Variants in CNGB1 observed in about 807,000 individuals in gnomAD.
CNGB1 encodes the protein cyclic nucleotide-gated channel beta-1.
In CNGB1, 126 loss-of-function variants were observed where a neutral mutation model predicts 151.7. That is an observed-to-expected ratio of 0.83 (90% CI 0.72 to 0.96). CNGB1 has a LOEUF of 0.96. CNGB1 is among the 40% of genes least tolerant of loss of function. The probability of loss-of-function intolerance (pLI) is 0.00; values close to 1 mark genes in which losing one functional copy is unlikely to be tolerated. For synonymous variants in CNGB1, 623 were observed against 635.1 expected, an observed-to-expected ratio of 0.98 and a Z score of 0.29; for missense variants, 1,698 against 1,627.0, an observed-to-expected ratio of 1.04 and a Z score of -0.75.
At position 57,963,098 on chromosome 16, in the gene CNGB1, C is replaced by T. The variant is rs1962304458; in HGVS notation, c.291-34G>A. On this transcript the variant is annotated intron_variant, in intron 4 of 32. Coordinates refer to ENST00000251102, the MANE Select transcript of CNGB1 (RefSeq NM_001297.5). ...GACAGAGACACCAGCCCGCCCTCAACTTCCCCTAGCTCAATGAGGCCCTCG... is the reference window on the plus strand; with the variant it reads ...GACAGAGACACCAGCCCGCCCTCAATTTCCCCTAGCTCAATGAGGCCCTCG... The T allele has an allele frequency of 2.6e-6, 4 of 1,529,728 alleles. No individual in the cohort carries two copies. In the African/African-American group the frequency reaches 5.4e-5, roughly 21 times the overall value. 94.8% of individuals were successfully genotyped at this position (1,529,728 alleles called of 1,614,324 possible).
intron 1 of CNGB1, among the ~76,000 whole-genome samples, chr16:57,968,996 T>C (rs1962468410): frequency 7.1e-6 from 1 of 140,740 alleles, no homozygotes; most frequent in African/African-American, 2.7e-5. Flanking sequence ...CAAAGCAAGA[T>C]CCTGTCTCAA....
rs978434990 is a variant in CNGB1 at position 57,931,788 on chromosome 16, G to A, written c.1463C>T (p.Thr488Ile). ...PLMAEENPPSTVLPPPSPAKS... is the reference protein window; with the variant it reads ...PLMAEENPPSIVLPPPSPAKS... The stretch of plus-strand genomic sequence containing the variant: ...GGCAGGAGACGGTGGCGGCAACACG[G>A]TTGAGGGTGGATTCTCTTCTGCCAT... Residue 488 changes from threonine (T) to isoleucine (I), a missense_variant, in exon 17 of 33, where the codon ACC becomes ATC. Thr to Ile is a moderately conservative substitution (Grantham distance 89). Coordinates refer to ENST00000251102, the MANE Select transcript of CNGB1 (RefSeq NM_001297.5). 1 of 1,614,172 alleles carries A rather than the reference G, an allele frequency of 6.2e-7. No homozygotes were observed. Among genetic ancestry groups the A allele is most frequent in the Non-Finnish European group, 8.5e-7 (1 of 1,180,030 alleles).
At chr16:57,960,622 G>A (rs972821081) in intron 8 of CNGB1, 92 bp from the exon 9 acceptor site, 394 of 1,518,790 alleles carry the variant, frequency 2.6e-4, no homozygotes, top group Non-Finnish European at 2.4e-4. Context: ...GGCCCAAGGC[G>A]GGTGAGCCGG....
chr16:57,918,353 T>C (rs1459247237), intron 20 of CNGB1, among the ~76,000 whole-genome samples: 1 of 152,072 alleles, frequency 6.6e-6, no homozygotes, highest in Non-Finnish European at 1.5e-5. Flanking sequence ...AGAAAGTCCC[T>C]CTCTGGCACC....
intron 5 of CNGB1, 26 bp from the exon 6 acceptor site, chr16:57,962,898 G>A: frequency 6.2e-7 from 1 of 1,612,314 alleles, no homozygotes; most frequent in African/African-American, 1.3e-5. Flanking sequence ...AGACAGACAT[G>A]GGCAGGGAGC....
At chr16:57,944,099 G>A (rs1961741123) in intron 14 of CNGB1, among the ~76,000 whole-genome samples, 1 of 151,922 alleles carries the variant, frequency 6.6e-6, no homozygotes, top group Non-Finnish European at 1.5e-5. Flanking sequence ...TGTTGGCCAG[G>A]CTGGTCTTGA....
intron 25 of CNGB1, 39 bp downstream of exon 25, chr16:57,911,714 T>C (rs1397439119): frequency 6.2e-7 from 1 of 1,612,554 alleles, no homozygotes; most frequent in Non-Finnish European, 8.5e-7. Context: ...AACAGGAAGG[T>C]CACCCAGGCA....
intron 14 of CNGB1, among the ~76,000 whole-genome samples, chr16:57,949,140 G>A (rs780001977): frequency 6.6e-6 from 1 of 151,904 alleles, no homozygotes; most frequent in Non-Finnish European, 1.5e-5. Context: ...GTGTGGGGGG[G>A]GATGTGGAGT....
chr16:57,962,577 G>A lies in CNGB1; in HGVS notation c.446C>T (p.Ala149Val), dbSNP rs2149387761. The change falls in exon 7 of 33, where the codon GCC becomes GTC. Residue 149 changes from alanine to valine, a missense_variant. By Grantham distance (64) the Ala-to-Val change is moderately conservative. Transcript: ENST00000251102. ...CTDEPNEALE[A>V]QDTRPGLRLL... ...GATAGGGACTCACCTAGTGTCTTGGGCCTCAAGGGCCTCATTGGGTTCATC... is the reference window on the plus strand; with the variant it reads ...GATAGGGACTCACCTAGTGTCTTGGACCTCAAGGGCCTCATTGGGTTCATC... 3 of 1,613,970 alleles carry A rather than the reference G, an allele frequency of 1.9e-6. No individual in the cohort carries two copies. Among genetic ancestry groups the A allele is most frequent in the Non-Finnish European group, 1.7e-6 (2 of 1,179,840 alleles).
In CNGB1 at chr16:57,964,506, C is replaced by T. The variant is rs1183891705; in HGVS notation, c.198G>A (p.Val66=). The change falls in exon 3 of 33, where the codon GTG becomes GTA. Residue 66 remains valine, a synonymous_variant. Coordinates refer to ENST00000251102, the MANE Select transcript of CNGB1 (RefSeq NM_001297.5). ...EESFKEEEVA[V]ADPSPQETKE... is the part of the protein sequence containing the mutation. ...ACTCACCCTGAGGGCTTGGGTCTGC[C>T]ACAGCCACTTCCTCCTCCTTGAATG... is the stretch of plus-strand genomic sequence containing the variant. 3.7e-6 allele frequency: 6 copies of T among 1,614,164 alleles called. No homozygotes were observed. The East Asian group carries it at 1.1e-4, about 30-fold the overall frequency.
intron 31 of CNGB1, 109 bp from the exon 32 acceptor site, chr16:57,888,183 G>T (rs771929479): frequency 4.0e-5 from 48 of 1,187,422 alleles, no homozygotes; most frequent in Non-Finnish European, 5.8e-5. Context: ...GGTGATTTTG[G>T]CTGGTGATTG....
chr16:57,950,149 C>CA (rs1961911921), intron 13 of CNGB1, among the ~76,000 whole-genome samples: 1 of 151,726 alleles, frequency 6.6e-6, no homozygotes, highest in African/African-American at 2.4e-5. Context: ...ATCTTCTGTA[C>CA]AAAAAGAAAA....
rs372146191 is a variant in CNGB1 at position 57,905,663 on chromosome 16, G to A, written c.2493-788C>T. On this transcript the variant is annotated intron_variant, in intron 25 of 32. Transcript: ENST00000251102. ...GGCCTTCGGGCGCCGTTTAGGCTGC[G>A]AGGGCTTTGCCCTCATGAATAGATT... is the stretch of plus-strand genomic sequence containing the variant. Among the ~76,000 whole-genome samples, 63 of 152,406 alleles carry A rather than the reference G, an allele frequency of 4.1e-4. No individual in the cohort carries two copies. The South Asian group carries it at 5.8e-3, about 14-fold the overall frequency.
intron 12 of CNGB1, chr16:57,955,121 G>A: frequency 7.0e-7 from 1 of 1,429,524 alleles, no homozygotes; most frequent in Non-Finnish European, 9.1e-7. Context: ...GCCCATGGCT[G>A]GCCTTCCCCT....
intron 17 of CNGB1, 92 bp downstream of exon 17, chr16:57,931,624 G>T: frequency 7.0e-7 from 1 of 1,436,900 alleles, no homozygotes; most frequent in Non-Finnish European, 9.6e-7. Context: ...TTTTAGTCCA[G>T]CTGCTTCTCC....
chr16:57,906,083 C>T (rs895759186), intron 25 of CNGB1, among the ~76,000 whole-genome samples: 6 of 152,210 alleles, frequency 3.9e-5, no homozygotes, highest in East Asian at 3.9e-4. Flanking sequence ...CAGTCCCTGC[C>T]GGCTTTCCTG....
intron 22 of CNGB1, among the ~76,000 whole-genome samples, chr16:57,915,897 CAAAAAAAA>C (rs36093437): frequency 1.9e-5 from 2 of 103,270 alleles, no homozygotes; most frequent in African/African-American, 6.7e-5. Flanking sequence ...GACCCTGTCT[CAAAAAAAA>C]AAAAAAAAGA....
chr16:57,916,855 C>T (rs11076209), intron 21 of CNGB1, among the ~76,000 whole-genome samples: 46,174 of 151,964 alleles, frequency 0.3, 7,574 homozygotes, highest in African/African-American at 0.43. Flanking sequence ...CTGAGCGCCC[C>T]GCATGCATCG....
chr16:57,913,123 A>T lies in CNGB1; in HGVS notation c.2305-129T>A, dbSNP rs1458453718. 3.8e-5 allele frequency: 30 copies of T among 795,478 alleles called. No individual in the cohort carries two copies. The East Asian group carries it at 7.6e-4, about 20-fold the overall frequency. 49.3% of individuals were successfully genotyped at this position (795,478 alleles called of 1,614,324 possible). A position where few individuals can be genotyped will look rare whatever the true frequency, so the allele number is the denominator to read the frequency against. On this transcript the variant is annotated intron_variant, in intron 23 of 32. Transcript: ENST00000251102. ...GAGGGAACAGGACGGTGAGCATTCA[A>T]TATCAGAAGTCCTCAGCCCCTTGAC...
Sources: gnomAD v4.1 joint callset for allele counts (sites outside exome capture counted in the v4.1 genomes callset) on GRCh38, gnomAD v4.1.1 for gene constraint, MANE v1.5 for transcripts, NCBI Gene and HGNC (gene_info 2026-07-23, HGNC 2026-07-21) for gene names.